The following SLC14A2 variants were observed in gnomAD, a reference collection of about 807,000 sequenced individuals.
The protein encoded by SLC14A2 is solute carrier family 14 member 2, also known as urea transporter 2.
In SLC14A2, 91 loss-of-function variants were observed where a neutral mutation model predicts 104.6. That is an observed-to-expected ratio of 0.87 (90% confidence interval 0.73 to 1.04). The LOEUF (loss-of-function observed/expected upper bound fraction) is 1.04, where lower values mean the gene tolerates loss of function less well. Ranked by LOEUF, SLC14A2 falls within the 50% of genes least tolerant of loss-of-function variation. The pLI is 0.00. For missense variants in SLC14A2, 1,189 were observed against 1,156.0 expected, an observed-to-expected ratio of 1.03 and a Z score of -0.41; for synonymous variants, 476 against 466.4, an observed-to-expected ratio of 1.02 and a Z score of -0.27.
intron 1 of SLC14A2, among the ~76,000 whole-genome samples, chr18:45,383,472 G>C (rs910849485): frequency 6.6e-6 from 1 of 152,190 alleles, no homozygotes; most frequent in Non-Finnish European, 1.5e-5. Context: ...TAGAATCCCA[G>C]AGGCTGTTTA....
chr18:45,410,556 A>C (rs2086204062), intron 1 of SLC14A2, among the ~76,000 whole-genome samples: 2 of 152,154 alleles, frequency 1.3e-5, no homozygotes, highest in Non-Finnish European at 2.9e-5. Context: ...TTTATTGGGC[A>C]CTCACTACAG....
chr18:45,182,008 A>G, the SLC14A2 span, among the ~76,000 whole-genome samples: 4 of 152,136 alleles, frequency 2.6e-5, no homozygotes, highest in Non-Finnish European at 5.9e-5. Flanking sequence ...ATCAAAATAT[A>G]TGATTTATGG....
intron 2 of SLC14A2, among the ~76,000 whole-genome samples, chr18:45,514,102 T>C (rs894748342): frequency 2.0e-5 from 3 of 152,338 alleles, no homozygotes; most frequent in African/African-American, 7.2e-5. Flanking sequence ...GATGATATCA[T>C]GGAAGTTGTA....
At chr18:45,432,667 A>G (rs1169092996) in intron 1 of SLC14A2, among the ~76,000 whole-genome samples, 1 of 152,128 alleles carries the variant, frequency 6.6e-6, no homozygotes, top group Non-Finnish European at 1.5e-5. Flanking sequence ...ACACTTTGAT[A>G]TGTTCATGAT....
At chr18:45,371,835 T>C (rs1417377055) in intron 1 of SLC14A2, among the ~76,000 whole-genome samples, 7 of 152,226 alleles carry the variant, frequency 4.6e-5, no homozygotes, top group Admixed American at 4.6e-4. Context: ...TTCTACTACT[T>C]GCTTTACAAG....
chr18:45,237,067 G>A (rs573314072), intron 1 of SLC14A2, among the ~76,000 whole-genome samples: 57 of 152,262 alleles, frequency 3.7e-4, no homozygotes, highest in Middle Eastern at 3.4e-3. Flanking sequence ...GCCAACAGCA[G>A]AATGGAGACC....
At chr18:45,589,254 G>C (rs2044613443) in intron 2 of SLC14A2, among the ~76,000 whole-genome samples, 1 of 146,946 alleles carries the variant, frequency 6.8e-6, no homozygotes, top group African/African-American at 2.5e-5. Context: ...ATTAAAGTTT[G>C]TTCTTGTTAA....
chr18:45,560,957 G>C (rs941743068), intron 2 of SLC14A2, among the ~76,000 whole-genome samples: 1 of 152,140 alleles, frequency 6.6e-6, no homozygotes, highest in Non-Finnish European at 1.5e-5. Context: ...CACGGAAAAA[G>C]TCAACTTAGG....
chr18:45,553,853 G>T (rs756352558), intron 2 of SLC14A2, among the ~76,000 whole-genome samples: 9 of 152,110 alleles, frequency 5.9e-5, no homozygotes, highest in Non-Finnish European at 1.2e-4. Context: ...CCTAAAGTCA[G>T]TCTTGGACCC....
intron 1 of SLC14A2, among the ~76,000 whole-genome samples, chr18:45,623,887 A>G (rs1377258236): frequency 6.6e-6 from 1 of 152,232 alleles, no homozygotes; most frequent in Non-Finnish European, 1.5e-5. Flanking sequence ...GGAGGAGGCT[A>G]GAGAAGAAAT....
At chr18:45,240,255 C>T (rs988609266) in intron 1 of SLC14A2, among the ~76,000 whole-genome samples, 4 of 151,448 alleles carry the variant, frequency 2.6e-5, no homozygotes, top group Admixed American at 1.3e-4. Context: ...TGCCACCACA[C>T]CCGGCTAATT....
chr18:45,278,419 G>T (rs1025813927), intron 1 of SLC14A2, among the ~76,000 whole-genome samples: 4 of 152,288 alleles, frequency 2.6e-5, no homozygotes, highest in Admixed American at 2.6e-4. Flanking sequence ...TATCCCCTGG[G>T]GGTAATAAAT....
At chr18:45,269,744 A>AG (rs1355000808) in intron 1 of SLC14A2, among the ~76,000 whole-genome samples, 1 of 152,176 alleles carries the variant, frequency 6.6e-6, no homozygotes, top group African/African-American at 2.4e-5. Context: ...ACCAGGATAA[A>AG]GGGGGGAACA....
chr18:45,281,107 C>T (rs1388837277), intron 1 of SLC14A2, among the ~76,000 whole-genome samples: 2 of 152,150 alleles, frequency 1.3e-5, no homozygotes, highest in East Asian at 3.9e-4. Flanking sequence ...TCTCCCTGCT[C>T]GGAGAGCATC....
At chr18:45,468,740 G>T (rs1598867180) in intron 1 of SLC14A2, among the ~76,000 whole-genome samples, 1 of 152,198 alleles carries the variant, frequency 6.6e-6, no homozygotes, top group East Asian at 1.9e-4. Context: ...AGAGGTTAAG[G>T]CTTAGGATTC....
chr18:45,611,408 AG>A (rs751354093), upstream of SLC14A2, among the ~76,000 whole-genome samples: 30 of 152,210 alleles, frequency 2.0e-4, no homozygotes, highest in Non-Finnish European at 4.1e-4. Context: ...AAGGGCCTAA[AG>A]GACATGCCAC....
At chr18:45,553,248 T>C (rs917822144) in intron 2 of SLC14A2, among the ~76,000 whole-genome samples, 1 of 152,236 alleles carries the variant, frequency 6.6e-6, no homozygotes, top group African/African-American at 2.4e-5. Flanking sequence ...CCAACAGGGC[T>C]TCCATACATT....
chr18:45,483,903 T>G (rs975904897), intron 2 of SLC14A2, among the ~76,000 whole-genome samples: 1 of 152,202 alleles, frequency 6.6e-6, no homozygotes, highest in Non-Finnish European at 1.5e-5. Flanking sequence ...CTGCTCAAGA[T>G]GGATGCGCTG....
chr18:45,303,354 C>T (rs190471666), intron 1 of SLC14A2, among the ~76,000 whole-genome samples: 75 of 152,336 alleles, frequency 4.9e-4, no homozygotes, highest in African/African-American at 1.8e-3. Context: ...CCACATACTG[C>T]TAAGTTAGGT....
Sources: allele counts gnomAD v4.1 joint callset (sites outside exome capture counted in the v4.1 genomes callset), GRCh38; gene constraint gnomAD v4.1.1; transcripts MANE v1.5; gene names NCBI Gene and HGNC (gene_info 2026-07-23, HGNC 2026-07-21).